FAM81A: variants seen among roughly 807,000 people sequenced by gnomAD.
The protein encoded by FAM81A is family with sequence similarity 81 member A.
A neutral mutation model predicts 46.7 loss-of-function variants in FAM81A; 19 were observed. The observed-to-expected ratio is 0.41, with a 90% CI of 0.28 to 0.60. FAM81A has a LOEUF of 0.60. FAM81A is among the 20% of genes least tolerant of loss of function. The pLI is 0.34. For synonymous variants in FAM81A, 183 were observed against 152.9 expected (o/e 1.20, Z -1.45); for missense variants, 377 against 453.5 (o/e 0.83, Z 1.53).
At chr15:59,423,962 C>T (rs1420287553) in intron 2 of FAM81A, among the ~76,000 whole-genome samples, 1 of 152,090 alleles carries the variant, frequency 6.6e-6, no homozygotes, top group African/African-American at 2.4e-5. Flanking sequence ...TTCTGGCTAC[C>T]TTCCCATTTG....
At chr15:59,406,318 C>G (rs540533580) in intron 2 of FAM81A, among the ~76,000 whole-genome samples, 1 of 152,168 alleles carries the variant, frequency 6.6e-6, no homozygotes, top group East Asian at 1.9e-4. Context: ...TTATGAGATA[C>G]GCACTATCAT....
Position 59,489,634 on chromosome 15 carries a change from C to G in FAM81A, c.295-2637C>G, listed in dbSNP as rs577083305. Among the ~76,000 whole-genome samples the G allele has an allele frequency of 4.1e-4, 63 of 152,196 alleles. 1 individual carries two copies. Among genetic ancestry groups the G allele is most frequent in the Non-Finnish European group, 8.4e-4 (57 of 68,026 alleles). On this transcript the variant is annotated intron_variant, in intron 3 of 8. Coordinates refer to ENST00000288228, the MANE Select transcript of FAM81A (RefSeq NM_152450.3). ...AGCAAAAGAACAAAACTGGAGAGGT[C>G]ACATTACCTGACTTGCAATTATACT...
chr15:59,429,991 G>T (rs1038542820), intron 2 of FAM81A, among the ~76,000 whole-genome samples: 22 of 152,048 alleles, frequency 1.4e-4, no homozygotes, highest in Non-Finnish European at 5.9e-5. Context: ...TTTGTTCTGG[G>T]TATGCTTTGT....
At chr15:59,503,119 G>A (rs1183233262) in intron 4 of FAM81A, among the ~76,000 whole-genome samples, 1 of 150,742 alleles carries the variant, frequency 6.6e-6, no homozygotes, top group African/African-American at 2.4e-5. Context: ...GTGGGTGCCT[G>A]TAATCCCAGC....
chr15:59,478,686 T>C (rs1278629684), intron 3 of FAM81A, among the ~76,000 whole-genome samples: 1 of 152,226 alleles, frequency 6.6e-6, no homozygotes, highest in Non-Finnish European at 1.5e-5. Context: ...ATGTGGCGTG[T>C]TGTATGCCTT....
chr15:59,512,157 G>C (rs1053294686), intron 6 of FAM81A, among the ~76,000 whole-genome samples: 1 of 152,074 alleles, frequency 6.6e-6, no homozygotes, highest in African/African-American at 2.4e-5. Flanking sequence ...TCACACTTTA[G>C]TACGTTCCAT....
intron 2 of FAM81A, among the ~76,000 whole-genome samples, chr15:59,419,542 T>C (rs576689398): frequency 6.6e-6 from 1 of 152,170 alleles, no homozygotes; most frequent in East Asian, 1.9e-4. Flanking sequence ...ACCCTCTCTT[T>C]CATTTCTTCC....
intron 2 of FAM81A, among the ~76,000 whole-genome samples, chr15:59,429,930 T>C (rs1437851861): frequency 1.3e-5 from 2 of 152,176 alleles, no homozygotes; most frequent in East Asian, 1.9e-4. Context: ...CGAAGAGTCT[T>C]AGAGGGTTGA....
In FAM81A at chr15:59,516,695, G is replaced by A. The variant is rs1212615400; in HGVS notation, c.837G>A (p.Arg279=). ...AGAAGCTCAGCCAGATGTCAGCCAGGCTTGACAAAATAGAAGAGGGTCAAA... is the reference window on the plus strand; with the variant it reads ...AGAAGCTCAGCCAGATGTCAGCCAGACTTGACAAAATAGAAGAGGGTCAAA... ...MEKKLSQMSA[R]LDKIEEGQKK... The change falls in exon 8 of 9, where the codon AGG becomes AGA. Residue 279 remains arginine, a synonymous_variant. Coordinates refer to ENST00000288228, the MANE Select transcript of FAM81A (RefSeq NM_152450.3). The A allele has an allele frequency of 5.0e-6, 8 of 1,613,662 alleles. No homozygotes were observed. Among genetic ancestry groups the A allele is most frequent in the Non-Finnish European group, 6.8e-6 (8 of 1,179,756 alleles).
At chr15:59,434,424 C>T (rs1300690053), upstream of FAM81A, among the ~76,000 whole-genome samples, 2 of 152,236 alleles carry the variant, frequency 1.3e-5, no homozygotes, top group African/African-American at 4.8e-5. Context: ...TCTACAGCAT[C>T]CAGTCTTTTC....
At chr15:59,506,407 T>G (rs899041549) in intron 4 of FAM81A, among the ~76,000 whole-genome samples, 1 of 152,122 alleles carries the variant, frequency 6.6e-6, no homozygotes, top group Non-Finnish European at 1.5e-5. Flanking sequence ...TGAACCTGCT[T>G]GAACCCTTCC....
intron 2 of FAM81A, chr15:59,409,078 T>G (rs552259151): frequency 6.6e-6 from 1 of 152,180 alleles, no homozygotes; most frequent in African/African-American, 2.4e-5. Flanking sequence ...CCTGAAGTGA[T>G]TCAGCTCATC....
intron 2 of FAM81A, among the ~76,000 whole-genome samples, chr15:59,429,521 T>C (rs1362085728): frequency 6.6e-6 from 1 of 152,226 alleles, no homozygotes; most frequent in East Asian, 1.9e-4. Flanking sequence ...TGATATCTCC[T>C]GTGGAAGTGT....
intron 1 of FAM81A, among the ~76,000 whole-genome samples, chr15:59,456,269 C>T (rs1382063210): frequency 5.9e-5 from 8 of 136,726 alleles, no homozygotes; most frequent in East Asian, 2.3e-4. Flanking sequence ...TATCCAAGGA[C>T]GGTGGTGGAT....
intron 3 of FAM81A, among the ~76,000 whole-genome samples, chr15:59,470,522 C>T (rs1447917578): frequency 6.6e-6 from 1 of 152,134 alleles, no homozygotes; most frequent in Non-Finnish European, 1.5e-5. Flanking sequence ...GCATGCATCA[C>T]GAAGTTCTCG....
At chr15:59,442,618 CAAAAAAA>C (rs1196305104) in intron 1 of FAM81A, among the ~76,000 whole-genome samples, 2 of 76,700 alleles carry the variant, frequency 2.6e-5, no homozygotes, top group African/African-American at 9.4e-5. Flanking sequence ...CTCCGTCTCT[CAAAAAAA>C]AAAAAAAAAA....
At chr15:59,402,898 T>G (rs2081078251) in intron 2 of FAM81A, among the ~76,000 whole-genome samples, 1 of 152,206 alleles carries the variant, frequency 6.6e-6, no homozygotes. Context: ...CTAAATCATC[T>G]TCATAGGGGT....
At chr15:59,434,169 T>G (rs2081233197), upstream of FAM81A, among the ~76,000 whole-genome samples, 1 of 152,188 alleles carries the variant, frequency 6.6e-6, no homozygotes, top group East Asian at 1.9e-4. Flanking sequence ...GAAACATTTT[T>G]GAAAAGGAAA....
intron 2 of FAM81A, among the ~76,000 whole-genome samples, chr15:59,402,931 G>A (rs2081078399): frequency 6.6e-6 from 1 of 152,032 alleles, no homozygotes; most frequent in Admixed American, 6.6e-5. Context: ...TTCTTTGTTA[G>A]GTAAAATTTG....
Sources: allele counts gnomAD v4.1 joint callset (sites outside exome capture counted in the v4.1 genomes callset), GRCh38; gene constraint gnomAD v4.1.1; transcripts MANE v1.5; gene names NCBI Gene and HGNC (gene_info 2026-07-23, HGNC 2026-07-21).